Variants in ZCWPW2 observed in about 807,000 individuals in gnomAD.
ZCWPW2 encodes zinc finger CW-type PWWP domain protein 2.
ZCWPW2 carries 45 observed loss-of-function variants against 46.6 expected under a neutral mutation model. The observed-to-expected ratio is 0.96, with a 90% CI of 0.76 to 1.24. The LOEUF (loss-of-function observed/expected upper bound fraction) is 1.24. ZCWPW2 is among the 50% of genes most tolerant of loss of function. The probability of loss-of-function intolerance (pLI) is 0.00; values close to 1 mark genes in which losing one functional copy is unlikely to be tolerated. For missense variants in ZCWPW2, 429 were observed against 403.9 expected, an observed-to-expected ratio of 1.06 and a Z score of -0.53; for synonymous variants, 152 against 137.1, an observed-to-expected ratio of 1.11 and a Z score of -0.76.
At chr3:28,438,671 GA>G (rs1250841892) in intron 4 of ZCWPW2, among the ~76,000 whole-genome samples, 2 of 151,636 alleles carry the variant, frequency 1.3e-5, no homozygotes, top group Non-Finnish European at 2.9e-5. Context: ...TCATTTAAAG[GA>G]AAAAAAATCA....
chr3:28,511,267 C>T (rs935795619), intron 6 of ZCWPW2: 3 of 193,474 alleles, frequency 1.6e-5, no homozygotes, highest in Admixed American at 1.1e-4. Context: ...GATCCTAACT[C>T]ATGGGAACTA....
chr3:28,503,903 T>A (rs1329954849), intron 6 of ZCWPW2, among the ~76,000 whole-genome samples: 1 of 152,046 alleles, frequency 6.6e-6, no homozygotes, highest in Non-Finnish European at 1.5e-5. Flanking sequence ...ATGTAGTTAA[T>A]ACCTTTACTT....
intron 8 of ZCWPW2, 57 bp from the exon 9 acceptor site, chr3:28,520,935 A>G: frequency 6.3e-7 from 1 of 1,593,486 alleles, no homozygotes; most frequent in East Asian, 2.3e-5. Flanking sequence ...AAGATTATGA[A>G]TTAGATTGAA....
intron 6 of ZCWPW2, among the ~76,000 whole-genome samples, chr3:28,507,814 A>G (rs973141308): frequency 6.6e-6 from 1 of 152,070 alleles, no homozygotes; most frequent in South Asian, 2.1e-4. Context: ...CCTATTCACT[A>G]TATTTTTTCT....
intron 1 of ZCWPW2, among the ~76,000 whole-genome samples, chr3:28,364,937 A>T (rs1256838594): frequency 6.6e-6 from 1 of 151,836 alleles, no homozygotes; most frequent in African/African-American, 2.4e-5. Context: ...GCATTTTTTC[A>T]TGTGTCTTTT....
At chr3:28,406,297 A>T (rs1696155293) in intron 2 of ZCWPW2, among the ~76,000 whole-genome samples, 1 of 152,210 alleles carries the variant, frequency 6.6e-6, no homozygotes, top group South Asian at 2.1e-4. Flanking sequence ...TCTGATAAAG[A>T]AATTGGCAAT....
intron 5 of ZCWPW2, among the ~76,000 whole-genome samples, chr3:28,488,493 C>A (rs537061651): frequency 6.6e-6 from 1 of 152,130 alleles, no homozygotes; most frequent in South Asian, 2.1e-4. Context: ...TTTAAACAAA[C>A]AAAAACTGAC....
At chr3:28,460,720 C>G (rs1433931463) in intron 4 of ZCWPW2, among the ~76,000 whole-genome samples, 1 of 152,150 alleles carries the variant, frequency 6.6e-6, no homozygotes, top group Non-Finnish European at 1.5e-5. Flanking sequence ...TAAGTTTCTA[C>G]TGAACTGCTT....
chr3:28,386,649 T>C (rs1236854117), intron 1 of ZCWPW2, among the ~76,000 whole-genome samples: 1 of 152,216 alleles, frequency 6.6e-6, no homozygotes, highest in Non-Finnish European at 1.5e-5. Context: ...ATATCTGTGA[T>C]ATTGTATTGA....
intron 4 of ZCWPW2, among the ~76,000 whole-genome samples, chr3:28,437,202 G>T (rs568337660): frequency 1.3e-5 from 2 of 152,136 alleles, no homozygotes; most frequent in Non-Finnish European, 2.9e-5. Context: ...TGTACAAGTT[G>T]TCTGATCACT....
intron 1 of ZCWPW2, among the ~76,000 whole-genome samples, chr3:28,385,764 A>T (rs1191740395): frequency 6.6e-6 from 1 of 152,062 alleles, no homozygotes; most frequent in Admixed American, 6.6e-5. Flanking sequence ...GGATTAATTG[A>T]TTCTTACTCT....
chr3:28,470,510 A>AAGAAG (rs71626518), intron 4 of ZCWPW2, among the ~76,000 whole-genome samples: 12 of 142,580 alleles, frequency 8.4e-5, no homozygotes, highest in African/African-American at 2.5e-4. Flanking sequence ...AAAAAAAAAA[A>AAGAAG]AAGGAAGGAA....
At chr3:28,414,165 G>C (rs1696535669) in intron 3 of ZCWPW2, among the ~76,000 whole-genome samples, 2 of 151,558 alleles carry the variant, frequency 1.3e-5, no homozygotes, top group Non-Finnish European at 2.9e-5. Context: ...TCTATCGTTT[G>C]TATTACCTTT....
intron 1 of ZCWPW2, among the ~76,000 whole-genome samples, chr3:28,373,696 G>A (rs1399790647): frequency 6.6e-6 from 1 of 152,020 alleles, no homozygotes; most frequent in Non-Finnish European, 1.5e-5. Flanking sequence ...GGCTGGTCTT[G>A]AACTCCTGAC....
intron 3 of ZCWPW2, among the ~76,000 whole-genome samples, chr3:28,414,227 T>C (rs1184322101): frequency 6.6e-6 from 1 of 151,824 alleles, no homozygotes; most frequent in Non-Finnish European, 1.5e-5. Context: ...TTTTTTTCTT[T>C]TTTTTCTGAA....
At chr3:28,375,585 A>G (rs140354602) in intron 1 of ZCWPW2, among the ~76,000 whole-genome samples, 1 of 152,072 alleles carries the variant, frequency 6.6e-6, no homozygotes, top group East Asian at 1.9e-4. Context: ...TGAAATAAGC[A>G]TACCATGGAG....
intron 2 of ZCWPW2, among the ~76,000 whole-genome samples, chr3:28,393,843 G>T (rs1366200535): frequency 2.0e-5 from 3 of 152,070 alleles, no homozygotes; most frequent in African/African-American, 7.2e-5. Flanking sequence ...ACTCAGTGGG[G>T]AAAGGTCTAA....
intron 4 of ZCWPW2, among the ~76,000 whole-genome samples, chr3:28,457,712 C>A (rs1219210260): frequency 6.6e-6 from 1 of 152,220 alleles, no homozygotes; most frequent in Non-Finnish European, 1.5e-5. Flanking sequence ...ATTACTAATA[C>A]TTCACTATCA....
chr3:28,361,913 C>T (rs1704957912), intron 1 of ZCWPW2, among the ~76,000 whole-genome samples: 1 of 151,872 alleles, frequency 6.6e-6, no homozygotes, highest in Non-Finnish European at 1.5e-5. Flanking sequence ...CATCCTTGTG[C>T]ACTCTTGGTG....
Sources: allele counts gnomAD v4.1 joint callset (sites outside exome capture counted in the v4.1 genomes callset), GRCh38; gene constraint gnomAD v4.1.1; transcripts MANE v1.5; gene names NCBI Gene and HGNC (gene_info 2026-07-23, HGNC 2026-07-21).